EMC3: variants seen among roughly 807,000 people sequenced by gnomAD.
EMC3 encodes the protein ER membrane protein complex subunit 3.
In EMC3, 13 loss-of-function variants were observed where a neutral mutation model predicts 36.6. That is an observed-to-expected ratio of 0.35 (90% CI 0.23 to 0.56). The LOEUF is 0.56. Among genes scored for constraint, EMC3 ranks in the 20% least tolerant of loss-of-function variants. The pLI is 0.84. For synonymous variants in EMC3, 120 were observed against 111.9 expected, an observed-to-expected ratio of 1.07 and a Z score of -0.46; for missense variants, 220 against 324.5, an observed-to-expected ratio of 0.68 and a Z score of 2.47.
At chr3:9,971,434 T>G (rs771099585) in intron 5 of EMC3, among the ~76,000 whole-genome samples, 1 of 152,164 alleles carries the variant, frequency 6.6e-6, no homozygotes, top group African/African-American at 2.4e-5. Context: ...AATGGAAAGA[T>G]CCACACTCAT....
chr3:9,994,912 G>GT (rs1451608464), intron 1 of EMC3, among the ~76,000 whole-genome samples: 16 of 152,120 alleles, frequency 1.1e-4, no homozygotes, highest in African/African-American at 3.6e-4. Context: ...AGAGAGGACT[G>GT]TATTTGTGGA....
chr3:9,968,538 A>G (rs1459264043), intron 7 of EMC3: 1 of 152,222 alleles, frequency 6.6e-6, no homozygotes, highest in Non-Finnish European at 1.5e-5. Context: ...AAGAACAGAC[A>G]TCCTTGTCTT....
intron 5 of EMC3, chr3:9,973,362 G>T (rs767991956): frequency 3.5e-6 from 1 of 288,386 alleles, no homozygotes; most frequent in South Asian, 5.8e-5. Context: ...GCCTGGCTAA[G>T]TTTTTGTATT....
intron 3 of EMC3, among the ~76,000 whole-genome samples, chr3:9,975,955 C>T (rs755843699): frequency 2.9e-4 from 44 of 151,782 alleles, no homozygotes; most frequent in Non-Finnish European, 5.9e-4. Context: ...AAATTAACTC[C>T]ATACAACCTT....
intron 5 of EMC3, among the ~76,000 whole-genome samples, chr3:9,972,831 TC>T (rs1389960985): frequency 7.1e-6 from 1 of 140,996 alleles, no homozygotes; most frequent in Non-Finnish European, 1.5e-5. Context: ...GAAATCCTCA[TC>T]TTTTTTTTTT....
At chr3:10,000,905 C>G (rs2086190858) in intron 1 of EMC3, 1 of 449,824 alleles carries the variant, frequency 2.2e-6, no homozygotes, top group Non-Finnish European at 4.5e-6. Context: ...TGGCACTGGG[C>G]ACACTTCTGA....
chr3:9,976,397 C>G (rs2085850678), intron 3 of EMC3, among the ~76,000 whole-genome samples: 1 of 152,200 alleles, frequency 6.6e-6, no homozygotes, highest in Non-Finnish European at 1.5e-5. Flanking sequence ...GCGTGAGCCA[C>G]CACACCTGGC....
chr3:9,977,987 A>G (rs910841297), intron 1 of EMC3, among the ~76,000 whole-genome samples: 9 of 151,930 alleles, frequency 5.9e-5, no homozygotes, highest in African/African-American at 2.2e-4. Flanking sequence ...GTGATCTTAA[A>G]TCAACTATTA....
At position 9,974,365 on chromosome 3, in the gene EMC3, G is replaced by A. The variant is rs754127442; in HGVS notation, c.412+19C>T. 53 of 1,547,794 alleles carry A rather than the reference G, an allele frequency of 3.4e-5. No homozygotes were observed. The highest frequency in any genetic ancestry group is 2.7e-5 in the African/African-American group (2 of 73,570). On this transcript the variant is annotated intron_variant, in intron 4 of 7. Transcript: ENST00000245046. ...GAATTTCTCTGGGTAACATGAAGTC[G>A]GCTGGGTCTGTAACTTACTTGTGAC...
intron 1 of EMC3, among the ~76,000 whole-genome samples, chr3:10,005,562 C>T (rs13079240): frequency 0.35 from 53,094 of 152,050 alleles, 12,124 homozygotes; most frequent in African/African-American, 0.65. Context: ...CAGGAAGATA[C>T]CATGCCCCAC....
chr3:9,997,504 C>T (rs1448498820), intron 1 of EMC3, among the ~76,000 whole-genome samples: 2 of 152,130 alleles, frequency 1.3e-5, no homozygotes, highest in East Asian at 1.9e-4. Flanking sequence ...CTGGCCCCCA[C>T]GCTGGAGCGC....
intron 1 of EMC3, among the ~76,000 whole-genome samples, chr3:9,981,001 AAGAAC>A (rs1273527449): frequency 6.6e-6 from 1 of 152,102 alleles, no homozygotes; most frequent in African/African-American, 2.4e-5. Flanking sequence ...CCTGGAGTTC[AAGAAC>A]AGCCTAGTCA....
chr3:10,000,227 C>T (rs922828440), intron 1 of EMC3, among the ~76,000 whole-genome samples: 9 of 151,802 alleles, frequency 5.9e-5, no homozygotes, highest in Non-Finnish European at 8.8e-5. Flanking sequence ...TTAGTAGAGA[C>T]GGGGGTTTCA....
intron 1 of EMC3, among the ~76,000 whole-genome samples, chr3:9,979,045 T>A (rs17535477): frequency 0.027 from 4,075 of 152,260 alleles, 79 homozygotes; most frequent in Non-Finnish European, 0.042. Context: ...AGTCTCAGCA[T>A]CTCCACGAAG....
intron 1 of EMC3, among the ~76,000 whole-genome samples, chr3:9,983,368 G>A (rs1192222397): frequency 6.6e-6 from 1 of 151,976 alleles, no homozygotes; most frequent in Non-Finnish European, 1.5e-5. Flanking sequence ...GGCTGGTCTT[G>A]AACCCCTGAC....
intron 7 of EMC3, chr3:9,969,375 G>GT (rs1319097394): frequency 1.7e-6 from 2 of 1,145,346 alleles, no homozygotes; most frequent in South Asian, 2.0e-5. Context: ...TCTTAGTATT[G>GT]TTTTTTTAAT....
chr3:9,987,942 G>C (rs1002813968), upstream of EMC3: 21 of 1,036,634 alleles, frequency 2.0e-5, no homozygotes, highest in Non-Finnish European at 3.0e-5. Context: ...GGATCCTGCA[G>C]CATTGTGTTT....
At chr3:10,004,820 G>C (rs546497821) in intron 1 of EMC3, 1 of 152,530 alleles carries the variant, frequency 6.6e-6, no homozygotes, top group East Asian at 1.9e-4. Flanking sequence ...GAAGGGAACG[G>C]CCCTCAGACC....
intron 1 of EMC3, among the ~76,000 whole-genome samples, chr3:10,001,103 T>G (rs2086193746): frequency 6.6e-6 from 1 of 152,172 alleles, no homozygotes; most frequent in Admixed American, 6.5e-5. Flanking sequence ...TTTCTCTTAT[T>G]TTCTTAAATT....
Sources: allele counts gnomAD v4.1 joint callset (sites outside exome capture counted in the v4.1 genomes callset), GRCh38; gene constraint gnomAD v4.1.1; transcripts MANE v1.5; gene names NCBI Gene and HGNC (gene_info 2026-07-23, HGNC 2026-07-21).